Variants in TMPRSS3 observed in about 807,000 individuals in gnomAD.
The protein encoded by TMPRSS3 is transmembrane protease serine 3.
Under a neutral mutation model 59.6 loss-of-function variants are expected in TMPRSS3, and 55 were observed. The ratio of observed to expected loss-of-function variants is 0.92; its 90% CI spans 0.74 to 1.16. The LOEUF is 1.16. TMPRSS3 is among the 50% of genes most tolerant of loss of function. The pLI is 0.00. For synonymous variants in TMPRSS3, 257 were observed against 237.7 expected (o/e 1.08, Z -0.75); for missense variants, 596 against 579.4 (o/e 1.03, Z -0.29).
intron 12 of TMPRSS3, among the ~76,000 whole-genome samples, chr21:42,375,093 G>C (rs976522657): frequency 1.3e-5 from 2 of 152,024 alleles, no homozygotes; most frequent in Non-Finnish European, 2.9e-5. Flanking sequence ...GGGTCCCAGC[G>C]AAGCCCTAAG....
At chr21:42,380,093 G>C (rs779356478) in intron 10 of TMPRSS3, 24 bp downstream of exon 10, 1 of 1,602,176 alleles carries the variant, frequency 6.2e-7, no homozygotes, top group Non-Finnish European at 8.5e-7. Context: ...CCTGGACTCC[G>C]AATCTTGGCT....
At chr21:42,382,864 A>C (rs1020148074) in intron 8 of TMPRSS3, 169 bp downstream of exon 8, 3 of 779,640 alleles carry the variant, frequency 3.8e-6, no homozygotes, top group African/African-American at 3.4e-5. Context: ...CCCCCAGCTG[A>C]TGATGATGGG....
In TMPRSS3 at chr21:42,388,285, A is replaced by G. The variant is rs2052668270; in HGVS notation, c.446+118T>C. On this transcript the variant is annotated intron_variant, in intron 5 of 12. Coordinates refer to ENST00000644384, the MANE Select transcript of TMPRSS3 (RefSeq NM_001256317.3). This position sits in a 1 kb window ranked among gnomAD's most constrained non-coding sequence, Gnocchi z 5.1. Reference sequence around the variant, plus strand: ...TATCGGGCATCCTAAGGTGGATGTGAGGATGTAATCTGAGAGCGTTAAAGC... The same window carrying G: ...TATCGGGCATCCTAAGGTGGATGTGGGGATGTAATCTGAGAGCGTTAAAGC... The G allele has an allele frequency of 2.2e-6, 3 of 1,374,076 alleles. No individual in the cohort carries two copies. Among genetic ancestry groups the G allele is most frequent in the African/African-American group, 1.4e-5 (1 of 70,258 alleles). 85.1% of individuals were successfully genotyped at this position (1,374,076 alleles called of 1,614,324 possible). A position where few individuals can be genotyped will look rare whatever the true frequency, so the allele number is the denominator to read the frequency against.
At position 42,389,057 on chromosome 21, in the gene TMPRSS3, G is replaced by A. The variant is rs2052688356; in HGVS notation, c.206-12C>T. The A allele has an allele frequency of 1.2e-6, 2 of 1,613,950 alleles. No homozygotes were observed. Among genetic ancestry groups the A allele is most frequent in the South Asian group, 1.1e-5 (1 of 91,072 alleles). On this transcript the variant is annotated splice_polypyrimidine_tract_variant and intron_variant, in intron 3 of 12. Coordinates refer to ENST00000644384, the MANE Select transcript of TMPRSS3 (RefSeq NM_001256317.3). ...GCAGTCGAAGTGGACTGGGAAAAGG[G>A]AGGAAGGCAGGAATTAACCAACAGC...
At position 42,395,084 on chromosome 21, in the gene TMPRSS3, C is replaced by T. The variant is rs73372255; in HGVS notation, c.94+240G>A. ...ATTGTGGAGCCCCAGTCTCTGAAAACCTCCAACAAGAGAAGAAAACACCGG... is the reference window on the plus strand; with the variant it reads ...ATTGTGGAGCCCCAGTCTCTGAAAATCTCCAACAAGAGAAGAAAACACCGG... On this transcript the variant is annotated intron_variant, in intron 2 of 12. Transcript: ENST00000644384. 0.048 allele frequency among the ~76,000 whole-genome samples: 7,313 copies of T among 152,202 alleles called. 586 individuals carry two copies. The highest frequency in any genetic ancestry group is 0.16 in the African/African-American group (6,837 of 41,490).
chr21:42,389,690 C>T (rs1278775065), intron 3 of TMPRSS3, among the ~76,000 whole-genome samples: 2 of 152,208 alleles, frequency 1.3e-5, no homozygotes, highest in African/African-American at 2.4e-5. Context: ...CACTCCTAAC[C>T]GGGCAGGTTC....
intron 5 of TMPRSS3, 136 bp from the exon 6 acceptor site, chr21:42,385,670 TC>T: frequency 1.7e-6 from 2 of 1,160,630 alleles, no homozygotes; most frequent in South Asian, 2.5e-5. Flanking sequence ...ATCAAAGGCT[TC>T]CTTTGCCAAG....
chr21:42,383,178 A>G lies in TMPRSS3; in HGVS notation c.637T>C (p.Tyr213His), dbSNP rs2052565801. The change falls in exon 8 of 13, where the codon TAC (tyrosine) becomes CAC (histidine). Residue 213 changes from tyrosine to histidine, a missense_variant. Coordinates refer to ENST00000644384, the MANE Select transcript of TMPRSS3 (RefSeq NM_001256317.3). ...TTTCCACCCACGATGCGTGAGCTGT[A>G]GCCCCTTCTATGACCACAGGCTATG... ...QCTACGHRRG[Y>H]SSRIVGGNMS... 2 of 1,613,656 alleles carry G rather than the reference A, an allele frequency of 1.2e-6. No individual in the cohort carries two copies. Among genetic ancestry groups the G allele is most frequent in the African/African-American group, 1.3e-5 (1 of 74,778 alleles).
chr21:42,387,771 C>T (rs535526909), intron 5 of TMPRSS3, among the ~76,000 whole-genome samples: 9 of 152,172 alleles, frequency 5.9e-5, no homozygotes, highest in African/African-American at 1.4e-4. Flanking sequence ...GGAAGTACAG[C>T]GGCCGCAGGA....
chr21:42,390,759 G>A (rs1478202361), intron 2 of TMPRSS3, among the ~76,000 whole-genome samples: 1 of 151,948 alleles, frequency 6.6e-6, no homozygotes, highest in Non-Finnish European at 1.5e-5. Flanking sequence ...GAGAAATCAG[G>A]ACACAGGGAC....
At chr21:42,380,469 TG>T in intron 9 of TMPRSS3, among the ~76,000 whole-genome samples, 1 of 152,248 alleles carries the variant, frequency 6.6e-6, no homozygotes, top group South Asian at 2.1e-4. Context: ...GCACACCTTT[TG>T]TGGAAAGGGC....
chr21:42,391,951 A>T (rs950584038), intron 2 of TMPRSS3, among the ~76,000 whole-genome samples: 53 of 151,750 alleles, frequency 3.5e-4, no homozygotes, highest in East Asian at 1.4e-3. Flanking sequence ...TCCCACTAGC[A>T]CTCTTCCCTC....
chr21:42,374,945 A>T (rs936925297), intron 12 of TMPRSS3, among the ~76,000 whole-genome samples: 11 of 151,902 alleles, frequency 7.2e-5, no homozygotes, highest in Admixed American at 7.2e-4. Flanking sequence ...CTAAGATCCC[A>T]TCAACCGTAT....
At chr21:42,377,357 C>T (rs186594525) in intron 10 of TMPRSS3, among the ~76,000 whole-genome samples, 4 of 152,234 alleles carry the variant, frequency 2.6e-5, no homozygotes, top group East Asian at 1.9e-4. Flanking sequence ...ATTGCTGCCC[C>T]GGAAGACCAA....
intron 9 of TMPRSS3, chr21:42,381,859 C>G (rs1476096165): frequency 2.8e-6 from 2 of 723,082 alleles, no homozygotes; most frequent in African/African-American, 3.5e-5. Context: ...TTGAAAATCA[C>G]TTGTCATACC....
chr21:42,376,735 A>G, intron 10 of TMPRSS3, 52 bp from the exon 11 acceptor site: 1 of 1,612,626 alleles, frequency 6.2e-7, no homozygotes, highest in South Asian at 1.1e-5. Flanking sequence ...CCGGCCCAAA[A>G]CACAGAAGGC....
intron 2 of TMPRSS3, among the ~76,000 whole-genome samples, chr21:42,391,489 C>T (rs2052734199): frequency 6.6e-6 from 1 of 152,172 alleles, no homozygotes; most frequent in Admixed American, 6.5e-5. Context: ...GAGCAAGAGG[C>T]AGGTTTGTTT....
At position 42,375,853 on chromosome 21, in the gene TMPRSS3, G is replaced by C; in HGVS notation, c.1207C>G (p.Pro403Ala). 6.2e-7 allele frequency: 1 copy of C among 1,613,638 alleles called. No individual in the cohort carries two copies. Among genetic ancestry groups the C allele is most frequent in the Non-Finnish European group, 8.5e-7 (1 of 1,180,002 alleles). The change falls in exon 12 of 13, where the codon CCC (proline) becomes GCC (alanine). Residue 403 changes from proline to alanine, a missense_variant. Pro to Ala is a conservative substitution (Grantham distance 27, BLOSUM62 -1). Transcript: ENST00000644384. ...AGCCTCCTCTCTTGACACACCAGGG[G>C]CCCCCCGCTGTCCCCCTGGGTGACA... Reference protein sequence around the residue: ...VDSCQGDSGGPLVCQERRLWK... With the variant: ...VDSCQGDSGGALVCQERRLWK...
chr21:42,375,829 G>A lies in TMPRSS3; in HGVS notation c.1231C>T (p.Leu411=), dbSNP rs1028089544. The change falls in exon 12 of 13, where the codon CTG becomes TTG. Residue 411 remains leucine, a synonymous_variant. Coordinates refer to ENST00000644384, the MANE Select transcript of TMPRSS3 (RefSeq NM_001256317.3). ...GGPLVCQERR[L]WKLVGATSFG... ...CTGGTCGCTCCCACTAACTTCCACA[G>A]CCTCCTCTCTTGACACACCAGGGGC... The A allele has an allele frequency of 3.7e-6, 6 of 1,613,772 alleles. No homozygotes were observed. The African/African-American group carries it at 4.0e-5, about 11-fold the overall frequency.
Sources: allele counts gnomAD v4.1 joint callset (sites outside exome capture counted in the v4.1 genomes callset), GRCh38; gene constraint gnomAD v4.1.1; non-coding constraint Gnocchi (gnomAD v3.1); transcripts MANE v1.5; gene names NCBI Gene and HGNC (gene_info 2026-07-23, HGNC 2026-07-21).